DPP10: variants seen among roughly 807,000 people sequenced by gnomAD.
DPP10 encodes the protein inactive dipeptidyl peptidase 10.
Under a neutral mutation model 120.9 loss-of-function variants are expected in DPP10, and 33 were observed. The observed-to-expected ratio is 0.27, with a 90% CI of 0.21 to 0.37. The LOEUF (loss-of-function observed/expected upper bound fraction) is 0.37. DPP10 is among the 10% of genes least tolerant of loss of function. The pLI is 1.00. For synonymous variants in DPP10, 337 were observed against 326.1 expected (o/e 1.03, Z -0.36); for missense variants, 816 against 942.8 (o/e 0.87, Z 1.76).
intron 1 of DPP10, among the ~76,000 whole-genome samples, chr2:115,252,630 A>G (rs1481492785): frequency 6.6e-6 from 1 of 152,180 alleles, no homozygotes; most frequent in Non-Finnish European, 1.5e-5. Context: ...CGGAAATCTA[A>G]TGGGTTTGGT....
chr2:114,649,732 T>C (rs1696432026), intron 1 of DPP10, among the ~76,000 whole-genome samples: 1 of 152,202 alleles, frequency 6.6e-6, no homozygotes, highest in Non-Finnish European at 1.5e-5. Flanking sequence ...AGTTTTGGAC[T>C]AGTATATAGT....
intron 4 of DPP10, among the ~76,000 whole-genome samples, chr2:115,518,835 C>T (rs546113227): frequency 6.6e-6 from 1 of 152,136 alleles, no homozygotes; most frequent in South Asian, 2.1e-4. Context: ...ATTCTAATGT[C>T]AAATTTTTTA....
chr2:114,732,425 A>G (rs2105948564), intron 1 of DPP10, among the ~76,000 whole-genome samples: 1 of 152,330 alleles, frequency 6.6e-6, no homozygotes, highest in South Asian at 2.1e-4. Context: ...AAGAGCTTTT[A>G]CAGACCAAAT....
At chr2:115,221,000 A>T (rs2057125163) in intron 1 of DPP10, among the ~76,000 whole-genome samples, 2 of 151,958 alleles carry the variant, frequency 1.3e-5, no homozygotes, top group Admixed American at 1.3e-4. Flanking sequence ...TATTTTGATT[A>T]TAAAACATTA....
intron 1 of DPP10, among the ~76,000 whole-genome samples, chr2:114,961,033 C>CTTTTTTTTTTTTTT (rs772146022): frequency 9.6e-5 from 5 of 52,028 alleles, no homozygotes; most frequent in African/African-American, 3.7e-4. Flanking sequence ...CTCTATACGC[C>CTTTTTTTTTTTTTT]TTTTTTTTTT....
At chr2:115,727,959 C>A in intron 8 of DPP10, 23 bp downstream of exon 8, 2 of 1,583,992 alleles carry the variant, frequency 1.3e-6, no homozygotes, top group Admixed American at 1.9e-5. Flanking sequence ...GATTTAGTTT[C>A]AAAGGAAACA....
At chr2:114,448,743 C>T (rs1032206047) in intron 1 of DPP10, among the ~76,000 whole-genome samples, 1 of 152,130 alleles carries the variant, frequency 6.6e-6, no homozygotes, top group Non-Finnish European at 1.5e-5. Context: ...CAGAATGATA[C>T]TTAGGGTTAT....
At chr2:115,075,330 A>G (rs1707697585) in intron 1 of DPP10, among the ~76,000 whole-genome samples, 1 of 152,238 alleles carries the variant, frequency 6.6e-6, no homozygotes, top group South Asian at 2.1e-4. Context: ...AAGAGAAGCC[A>G]AAAGATACAA....
chr2:114,876,381 C>T (rs1441953702), intron 1 of DPP10, among the ~76,000 whole-genome samples: 4 of 152,202 alleles, frequency 2.6e-5, no homozygotes, highest in African/African-American at 9.6e-5. Context: ...GGACCTCATT[C>T]AGCCTGCAGC....
intron 1 of DPP10, among the ~76,000 whole-genome samples, chr2:114,548,751 A>G (rs977159735): frequency 6.6e-6 from 1 of 152,218 alleles, no homozygotes; most frequent in Non-Finnish European, 1.5e-5. Context: ...CAACAGGTAG[A>G]GTGAAATGAC....
intron 1 of DPP10, among the ~76,000 whole-genome samples, chr2:114,594,889 C>T (rs941878430): frequency 6.6e-6 from 1 of 152,120 alleles, no homozygotes; most frequent in Middle Eastern, 3.4e-3. Flanking sequence ...GCTTCTCGGT[C>T]TTTCTCTCAT....
At chr2:114,864,582 T>C (rs1189199886) in intron 1 of DPP10, among the ~76,000 whole-genome samples, 1 of 152,178 alleles carries the variant, frequency 6.6e-6, no homozygotes, top group Non-Finnish European at 1.5e-5. Flanking sequence ...TCTTTACTTA[T>C]TTACAGGAAA....
chr2:114,513,945 T>G (rs10201941), intron 1 of DPP10, among the ~76,000 whole-genome samples: 60,266 of 152,020 alleles, frequency 0.4, 12,646 homozygotes, highest in African/African-American at 0.54. Context: ...TTCAGTTAAG[T>G]AAAATTGACT....
At chr2:115,798,359 G>A (rs933763649) in intron 19 of DPP10, among the ~76,000 whole-genome samples, 1 of 151,924 alleles carries the variant, frequency 6.6e-6, no homozygotes, top group African/African-American at 2.4e-5. Context: ...GACTTTGAAA[G>A]GTGAAGTTAA....
intron 1 of DPP10, among the ~76,000 whole-genome samples, chr2:114,767,727 TACTC>T (rs1199884759): frequency 6.6e-6 from 1 of 152,200 alleles, no homozygotes; most frequent in Non-Finnish European, 1.5e-5. Context: ...GAACTTTTAA[TACTC>T]ACCATGTGAT....
At chr2:115,257,374 A>G (rs2059049509) in intron 1 of DPP10, among the ~76,000 whole-genome samples, 1 of 152,178 alleles carries the variant, frequency 6.6e-6, no homozygotes, top group African/African-American at 2.4e-5. Context: ...TGCAGGTTGT[A>G]TAGGAGGCAT....
rs569004011 is a variant in DPP10 at position 115,456,185 on chromosome 2, T to G, written c.272-43325T>G. 9.2e-5 allele frequency among the ~76,000 whole-genome samples: 14 copies of G among 152,280 alleles called. No individual in the cohort carries two copies. In the South Asian group the frequency reaches 2.9e-3, roughly 32 times the overall value. ...GACTCTTCTCAAAAGAAGATCATTA[T>G]GTACCCATCAAACATATGAAAAAAA... On this transcript the variant is annotated intron_variant, in intron 3 of 25. Coordinates refer to ENST00000410059, the MANE Select transcript of DPP10 (RefSeq NM_020868.6).
chr2:115,463,887 T>C lies in DPP10; in HGVS notation c.272-35623T>C, dbSNP rs145435257. ...TGCGACAAATGTGAATTCCTTTTCTTTTTTTCTCCTATATTCCTGCAGTTG... is the reference window on the plus strand; with the variant it reads ...TGCGACAAATGTGAATTCCTTTTCTCTTTTTCTCCTATATTCCTGCAGTTG... On this transcript the variant is annotated intron_variant, in intron 3 of 25. Coordinates refer to ENST00000410059, the MANE Select transcript of DPP10 (RefSeq NM_020868.6). Among the ~76,000 whole-genome samples the C allele has an allele frequency of 3.3e-5, 5 of 152,262 alleles. No individual in the cohort carries two copies. The East Asian group carries it at 9.7e-4, about 29-fold the overall frequency.
intron 1 of DPP10, among the ~76,000 whole-genome samples, chr2:114,589,323 G>A (rs560581706): frequency 6.6e-5 from 10 of 152,248 alleles, no homozygotes; most frequent in African/African-American, 2.4e-4. Context: ...CTTGCTGCTC[G>A]GTGTTAACCC....
Sources: gnomAD v4.1 joint callset for allele counts (sites outside exome capture counted in the v4.1 genomes callset) on GRCh38, gnomAD v4.1.1 for gene constraint, MANE v1.5 for transcripts, NCBI Gene and HGNC (gene_info 2026-07-23, HGNC 2026-07-21) for gene names.